CCDC178: variants seen among roughly 807,000 people sequenced by gnomAD.
CCDC178 encodes coiled-coil domain-containing protein 178.
A neutral mutation model predicts 117.4 loss-of-function variants in CCDC178; 126 were observed. That is an observed-to-expected ratio of 1.07 (90% CI 0.93 to 1.24). CCDC178 has a LOEUF of 1.24. CCDC178 is among the 50% of genes most tolerant of loss of function. The pLI is 0.00. For missense variants in CCDC178, 1,030 were observed against 986.9 expected, an observed-to-expected ratio of 1.04 and a Z score of -0.59; for synonymous variants, 283 against 313.4, an observed-to-expected ratio of 0.90 and a Z score of 1.02.
chr18:33,063,536 C>G (rs954137720), intron 21 of CCDC178, among the ~76,000 whole-genome samples: 1 of 152,148 alleles, frequency 6.6e-6, no homozygotes. Flanking sequence ...CTGAACTCCT[C>G]AGCCAATCGC....
intron 2 of CCDC178, among the ~76,000 whole-genome samples, chr18:33,434,007 A>G (rs2064255987): frequency 6.6e-6 from 1 of 152,124 alleles, no homozygotes; most frequent in Non-Finnish European, 1.5e-5. Flanking sequence ...GCAATATTTA[A>G]TATTTTTCTA....
intron 21 of CCDC178, among the ~76,000 whole-genome samples, chr18:33,091,324 C>CTATTTTTTTTTT (rs2057459597): frequency 2.3e-5 from 1 of 43,882 alleles, no homozygotes; most frequent in Non-Finnish European, 4.1e-5. Flanking sequence ...TTATTTCATT[C>CTATTTTTTTTTT]TTTTTTTTTT....
At chr18:32,973,468 A>T (rs1386672487) in intron 22 of CCDC178, among the ~76,000 whole-genome samples, 3 of 152,156 alleles carry the variant, frequency 2.0e-5, no homozygotes, top group African/African-American at 7.2e-5. Context: ...ATTTCTACTA[A>T]ATCTACATGT....
chr18:33,306,531 G>T (rs1458158574), intron 11 of CCDC178, among the ~76,000 whole-genome samples: 1 of 115,330 alleles, frequency 8.7e-6, no homozygotes, highest in African/African-American at 3.4e-5. Flanking sequence ...GTTATATATG[G>T]TTATATATAA....
intron 12 of CCDC178, among the ~76,000 whole-genome samples, chr18:33,282,458 C>T (rs548442360): frequency 4.9e-4 from 74 of 152,294 alleles, no homozygotes; most frequent in African/African-American, 1.7e-3. Context: ...TGGGACTAGT[C>T]TGACCTATGC....
intron 21 of CCDC178, among the ~76,000 whole-genome samples, chr18:33,010,041 C>T (rs1025051601): frequency 6.6e-6 from 1 of 152,114 alleles, no homozygotes; most frequent in Non-Finnish European, 1.5e-5. Context: ...ATTCCTACCT[C>T]ACACCGTCAA....
At chr18:33,213,135 A>G (rs2059126248) in intron 19 of CCDC178, among the ~76,000 whole-genome samples, 1 of 151,996 alleles carries the variant, frequency 6.6e-6, no homozygotes, top group Admixed American at 6.6e-5. Flanking sequence ...GAGTTGAGGA[A>G]CCTAAACTTG....
rs558363316 is a variant in CCDC178 at position 33,122,375 on chromosome 18, C to T, written c.2239-29465G>A. Among the ~76,000 whole-genome samples the T allele has an allele frequency of 5.9e-5, 9 of 152,100 alleles. No homozygotes were observed. The South Asian group carries it at 1.7e-3, about 28-fold the overall frequency. On this transcript the variant is annotated intron_variant, in intron 20 of 22. Coordinates refer to ENST00000383096, the MANE Select transcript of CCDC178 (RefSeq NM_001105528.4). ...CAGATCAGAAATATTGATACCTGCA[C>T]TTATAGAGAGACAGAAGGTATAAAA...
intron 20 of CCDC178, among the ~76,000 whole-genome samples, chr18:33,180,997 T>A (rs2058727533): frequency 6.6e-6 from 1 of 152,040 alleles, no homozygotes; most frequent in Non-Finnish European, 1.5e-5. Flanking sequence ...CTAATGACTT[T>A]TTTTTTCTAA....
At chr18:33,091,039 A>G (rs578155483) in intron 21 of CCDC178, among the ~76,000 whole-genome samples, 24 of 152,284 alleles carry the variant, frequency 1.6e-4, no homozygotes, top group Admixed American at 3.3e-4. Flanking sequence ...GATTCTTTAT[A>G]AACTGATAAC....
At chr18:33,178,296 G>A (rs1169224551) in intron 20 of CCDC178, among the ~76,000 whole-genome samples, 1 of 152,086 alleles carries the variant, frequency 6.6e-6, no homozygotes, top group Non-Finnish European at 1.5e-5. Flanking sequence ...CATCCAATTA[G>A]TGACTAAGGT....
At chr18:33,415,045 G>T (rs939241439) in intron 2 of CCDC178, among the ~76,000 whole-genome samples, 1 of 152,166 alleles carries the variant, frequency 6.6e-6, no homozygotes, top group African/African-American at 2.4e-5. Context: ...AAAAAGTCAA[G>T]AAACAATAGA....
At chr18:32,999,222 A>G (rs1177786395) in intron 21 of CCDC178, among the ~76,000 whole-genome samples, 2 of 152,160 alleles carry the variant, frequency 1.3e-5, no homozygotes, top group Admixed American at 6.5e-5. Context: ...AGCCTGGTGC[A>G]GTGGTGGCCA....
chr18:33,145,674 T>C (rs368446470), intron 20 of CCDC178, among the ~76,000 whole-genome samples: 1 of 152,184 alleles, frequency 6.6e-6, no homozygotes, highest in African/African-American at 2.4e-5. Context: ...ATGAACAGAA[T>C]ACACATAAAA....
At chr18:33,010,326 G>T (rs980525518) in intron 21 of CCDC178, among the ~76,000 whole-genome samples, 7 of 152,130 alleles carry the variant, frequency 4.6e-5, no homozygotes, top group Admixed American at 4.6e-4. Context: ...ATTCCCCTCA[G>T]ATTCCCTGGC....
At chr18:33,320,789 C>G (rs1274375652) in intron 11 of CCDC178, among the ~76,000 whole-genome samples, 1 of 152,164 alleles carries the variant, frequency 6.6e-6, no homozygotes, top group Non-Finnish European at 1.5e-5. Flanking sequence ...CAAGTCAATC[C>G]TAAGCCAAAA....
chr18:33,037,093 C>G (rs2056458892), intron 21 of CCDC178, among the ~76,000 whole-genome samples: 1 of 151,794 alleles, frequency 6.6e-6, no homozygotes, highest in Non-Finnish European at 1.5e-5. Flanking sequence ...ATAAATAGCA[C>G]CTTAATCCAC....
intron 9 of CCDC178, among the ~76,000 whole-genome samples, chr18:33,342,829 C>G (rs145097010): frequency 6.6e-6 from 1 of 152,140 alleles, no homozygotes; most frequent in Non-Finnish European, 1.5e-5. Context: ...GTAGTAATAA[C>G]TGAATAACTG....
chr18:33,334,061 A>C (rs1334944717), intron 9 of CCDC178, among the ~76,000 whole-genome samples: 1 of 152,152 alleles, frequency 6.6e-6, no homozygotes, highest in Non-Finnish European at 1.5e-5. Flanking sequence ...AAGACTTACA[A>C]ATATCAGAAC....
Sources: gnomAD v4.1 joint callset for allele counts (sites outside exome capture counted in the v4.1 genomes callset) on GRCh38, gnomAD v4.1.1 for gene constraint, MANE v1.5 for transcripts, NCBI Gene and HGNC (gene_info 2026-07-23, HGNC 2026-07-21) for gene names.